Variants in TTLL5 observed in about 807,000 individuals in gnomAD.
TTLL5 encodes the protein tubulin tyrosine ligase like 5, also known as tubulin polyglutamylase TTLL5.
In TTLL5, 132 loss-of-function variants were observed where a neutral mutation model predicts 168.4. The ratio of observed to expected loss-of-function variants is 0.78; its 90% CI spans 0.68 to 0.91. The LOEUF (loss-of-function observed/expected upper bound fraction) is 0.91, where lower values mean the gene tolerates loss of function less well. Ranked by LOEUF, TTLL5 falls within the 40% of genes least tolerant of loss-of-function variation. The pLI is 0.00. For synonymous variants in TTLL5, 546 were observed against 558.6 expected, an observed-to-expected ratio of 0.98 and a Z score of 0.32; for missense variants, 1,545 against 1,581.5, an observed-to-expected ratio of 0.98 and a Z score of 0.39.
At chr14:75,683,065 C>A (rs926296735) in intron 4 of TTLL5, among the ~76,000 whole-genome samples, 18 of 152,234 alleles carry the variant, frequency 1.2e-4, no homozygotes, top group Non-Finnish European at 1.5e-5. Context: ...AGCCACCGCA[C>A]TTGTCCGTGA....
intron 3 of TTLL5, among the ~76,000 whole-genome samples, chr14:75,679,912 C>T (rs1884475586): frequency 6.6e-6 from 1 of 152,210 alleles, no homozygotes; most frequent in Admixed American, 6.5e-5. Context: ...CCTCCTGTGT[C>T]TGCTTTGCAT....
rs1353147889 is a variant in TTLL5 at position 75,707,688 on chromosome 14, T to C, written c.721T>C (p.Tyr241His). 1 of 1,612,858 alleles carries C rather than the reference T, an allele frequency of 6.2e-7. No homozygotes were observed. The highest frequency in any genetic ancestry group is 2.2e-5 in the East Asian group (1 of 44,858). ...TSYDPLVIYL[Y>H]EEGLARFATV... is the part of the protein sequence containing the mutation. ...CTATGATCCTCTTGTCATCTATCTC[T>C]ATGAAGAAGGATTGGCTAGGTAAGA... The change falls in exon 9 of 32, where the codon TAT (tyrosine) becomes CAT (histidine). Residue 241 changes from tyrosine to histidine, a missense_variant. Coordinates refer to ENST00000298832, the MANE Select transcript of TTLL5 (RefSeq NM_015072.5).
intron 31 of TTLL5, among the ~76,000 whole-genome samples, chr14:75,914,066 A>C (rs1415338964): frequency 2.5e-4 from 31 of 126,274 alleles, no homozygotes; most frequent in South Asian, 1.4e-3. Flanking sequence ...TTTATCCCCT[A>C]AGGGCCCAGT....
At chr14:75,950,153 A>G (rs909185905) in intron 31 of TTLL5, among the ~76,000 whole-genome samples, 4 of 152,232 alleles carry the variant, frequency 2.6e-5, no homozygotes, top group African/African-American at 9.6e-5. Flanking sequence ...CGACCAAGAC[A>G]CATTGCGGTT....
intron 27 of TTLL5, among the ~76,000 whole-genome samples, chr14:75,798,896 T>C (rs1432767347): frequency 6.6e-6 from 1 of 152,218 alleles, no homozygotes; most frequent in Admixed American, 6.5e-5. Flanking sequence ...GTGGTCTATC[T>C]TGGAGAATAT....
chr14:75,910,116 A>T (rs995908457), intron 31 of TTLL5, among the ~76,000 whole-genome samples: 9 of 152,262 alleles, frequency 5.9e-5, no homozygotes, highest in African/African-American at 2.2e-4. Flanking sequence ...ATGGAGGAAG[A>T]TAACATCTGA....
chr14:75,934,630 TG>T (rs921707320), intron 31 of TTLL5, among the ~76,000 whole-genome samples: 1 of 151,080 alleles, frequency 6.6e-6, no homozygotes, highest in Non-Finnish European at 1.5e-5. Context: ...CAAGAGGAGG[TG>T]GGGGGAAGGA....
intron 31 of TTLL5, among the ~76,000 whole-genome samples, chr14:75,908,065 G>A (rs2033217757): frequency 6.6e-6 from 1 of 152,234 alleles, no homozygotes; most frequent in East Asian, 1.9e-4. Flanking sequence ...GAAGCCTTGG[G>A]AAAGAGCCCA....
chr14:75,743,188 G>A (rs1889376257), intron 15 of TTLL5, among the ~76,000 whole-genome samples: 1 of 152,192 alleles, frequency 6.6e-6, no homozygotes, highest in Non-Finnish European at 1.5e-5. Flanking sequence ...TCGTTTTCTT[G>A]ATATAGATAT....
intron 30 of TTLL5, among the ~76,000 whole-genome samples, chr14:75,895,167 A>G (rs1378689219): frequency 6.6e-6 from 1 of 152,198 alleles, no homozygotes; most frequent in Non-Finnish European, 1.5e-5. Flanking sequence ...GAAATGATCT[A>G]AAAAAAGAAA....
chr14:75,880,155 G>A (rs898894455), intron 29 of TTLL5, among the ~76,000 whole-genome samples: 1 of 151,946 alleles, frequency 6.6e-6, no homozygotes, highest in African/African-American at 2.4e-5. Flanking sequence ...GAGAGAGAGA[G>A]TGTGTGTACA....
At chr14:75,682,948 T>C (rs1884740519) in intron 4 of TTLL5, among the ~76,000 whole-genome samples, 2 of 151,962 alleles carry the variant, frequency 1.3e-5, no homozygotes, top group African/African-American at 4.8e-5. Context: ...AAAAAAAATT[T>C]TTTTTATAGA....
chr14:75,661,785 C>T (rs957105479), intron 1 of TTLL5: 2 of 152,114 alleles, frequency 1.3e-5, no homozygotes, highest in Non-Finnish European at 2.9e-5. Context: ...CAAGAAATCC[C>T]GTTGAGAATC....
intron 6 of TTLL5, among the ~76,000 whole-genome samples, chr14:75,695,874 C>A (rs1885813132): frequency 7.4e-6 from 1 of 134,868 alleles, no homozygotes; most frequent in East Asian, 2.4e-4. Context: ...TACCTTTCCC[C>A]CTTCCCTCCC....
At chr14:75,928,504 ATG>A (rs982105617) in intron 31 of TTLL5, among the ~76,000 whole-genome samples, 1 of 151,508 alleles carries the variant, frequency 6.6e-6, no homozygotes, top group Non-Finnish European at 1.5e-5. Flanking sequence ...TTCAGCCTAT[ATG>A]TACTCTTTTC....
chr14:75,792,875 T>A, intron 26 of TTLL5, 41 bp from the exon 27 acceptor site: 1 of 1,502,602 alleles, frequency 6.7e-7, no homozygotes, highest in Non-Finnish European at 8.9e-7. Flanking sequence ...TTTCAGGCCT[T>A]TTTTTCCTAA....
intron 30 of TTLL5, among the ~76,000 whole-genome samples, chr14:75,901,739 A>G (rs537533316): frequency 4.6e-5 from 7 of 152,136 alleles, no homozygotes; most frequent in Admixed American, 1.3e-4. Context: ...TCCACATGAG[A>G]CTTGCTTTTT....
chr14:75,740,067 T>C (rs925411998), intron 15 of TTLL5, among the ~76,000 whole-genome samples: 3 of 152,226 alleles, frequency 2.0e-5, no homozygotes, highest in African/African-American at 7.2e-5. Context: ...GCAGTTACAC[T>C]GTTTTCAGTG....
intron 27 of TTLL5, among the ~76,000 whole-genome samples, chr14:75,803,671 G>C (rs972714805): frequency 5.9e-5 from 9 of 152,152 alleles, no homozygotes; most frequent in Non-Finnish European, 1.0e-4. Context: ...CTGAAAGCAG[G>C]GTTTTCTAGA....
Sources: gnomAD v4.1 joint callset for allele counts (sites outside exome capture counted in the v4.1 genomes callset) on GRCh38, gnomAD v4.1.1 for gene constraint, MANE v1.5 for transcripts, NCBI Gene and HGNC (gene_info 2026-07-23, HGNC 2026-07-21) for gene names.